The following CFTR variants were observed in gnomAD, a reference collection of about 807,000 sequenced individuals.
The protein encoded by CFTR is CF transmembrane conductance regulator, also known as cystic fibrosis transmembrane conductance regulator.
A neutral mutation model predicts 171.6 loss-of-function variants in CFTR; 181 were observed. The observed-to-expected ratio is 1.05, with a 90% confidence interval of 0.93 to 1.19. CFTR has a LOEUF of 1.19. CFTR is among the 50% of genes most tolerant of loss of function. The pLI is 0.00. For missense variants in CFTR, 1,968 were observed against 1,734.7 expected, an observed-to-expected ratio of 1.13 and a Z score of -2.39; for synonymous variants, 583 against 608.0, an observed-to-expected ratio of 0.96 and a Z score of 0.60.
intron 10 of CFTR, among the ~76,000 whole-genome samples, chr7:117,549,355 C>T (rs1799229750): frequency 1.3e-5 from 2 of 152,160 alleles, no homozygotes; most frequent in Non-Finnish European, 2.9e-5. Flanking sequence ...TGGTCATCCT[C>T]TTCTCCATAT....
intron 15 of CFTR, among the ~76,000 whole-genome samples, chr7:117,599,259 A>C (rs1392989764): frequency 6.6e-6 from 1 of 152,138 alleles, no homozygotes; most frequent in East Asian, 1.9e-4. Flanking sequence ...GAAAGATCAC[A>C]TTACTTGATT....
chr7:117,482,778 C>T (rs1798017732), intron 1 of CFTR, among the ~76,000 whole-genome samples: 1 of 152,198 alleles, frequency 6.6e-6, no homozygotes, highest in African/African-American at 2.4e-5. Context: ...TCCTCTCTGT[C>T]TCTTCTCTCA....
At chr7:117,520,795 G>A (rs1366235745) in intron 3 of CFTR, among the ~76,000 whole-genome samples, 1 of 151,850 alleles carries the variant, frequency 6.6e-6, no homozygotes, top group Non-Finnish European at 1.5e-5. Flanking sequence ...AATATTTGTT[G>A]AATGGATATT....
Position 117,666,135 on chromosome 7 carries a change from G to T in CFTR, c.4242+571G>T, listed in dbSNP as rs989034785. Among the ~76,000 whole-genome samples the T allele has an allele frequency of 3.9e-5, 6 of 152,138 alleles. No homozygotes were observed. The East Asian group carries it at 9.6e-4, about 24-fold the overall frequency. ...ATACTTTGGGAGGCTGAGGTGGGGG[G>T]ATTACTTGAGGCCAGGAATTCAAGA... On this transcript the variant is annotated intron_variant, in intron 26 of 26. Transcript: ENST00000003084.
chr7:117,600,486 G>C (rs1209362588), intron 15 of CFTR, among the ~76,000 whole-genome samples: 2 of 151,990 alleles, frequency 1.3e-5, no homozygotes, highest in Non-Finnish European at 2.9e-5. Context: ...TAGAACTGCT[G>C]TATCCTGTTT....
In CFTR at chr7:117,642,596, G is replaced by T. The variant is rs1357732974; in HGVS notation, c.3873+3G>T. On this transcript the variant is annotated splice_donor_region_variant and intron_variant, in intron 23 of 26. Coordinates refer to ENST00000003084, the MANE Select transcript of CFTR (RefSeq NM_000492.4). ...AAGCCTTTGGAGTGATACCACAGGT[G>T]AGCAAAAGGACTTAGCCAGAAAAAA... The T allele has an allele frequency of 3.1e-6, 5 of 1,613,154 alleles. No individual in the cohort carries two copies. Among genetic ancestry groups the T allele is most frequent in the South Asian group, 1.1e-5 (1 of 91,040 alleles).
chr7:117,652,835 G>T lies in CFTR; in HGVS notation c.3874-7G>T, dbSNP rs776663932. ...ATACTTTCTTCTTCTTTTCTTTTTTGCTATAGAAAGTATTTATTTTTTCTG... is the reference window on the plus strand; with the variant it reads ...ATACTTTCTTCTTCTTTTCTTTTTTTCTATAGAAAGTATTTATTTTTTCTG... On this transcript the variant is annotated splice_polypyrimidine_tract_variant and splice_region_variant and intron_variant, in intron 23 of 26. Coordinates refer to ENST00000003084, the MANE Select transcript of CFTR (RefSeq NM_000492.4). 7.5e-7 allele frequency: 1 copy of T among 1,326,836 alleles called. No individual in the cohort carries two copies. Among genetic ancestry groups the T allele is most frequent in the South Asian group, 1.2e-5 (1 of 83,180 alleles). The allele number at this position is 1,326,836 out of a possible 1,614,324, so 82.2% of individuals were successfully genotyped here.
At chr7:117,548,540 T>C in intron 9 of CFTR, 101 bp from the exon 10 acceptor site, 1 of 1,545,858 alleles carries the variant, frequency 6.5e-7, no homozygotes, top group Admixed American at 2.0e-5. Context: ...CATGTGCTTT[T>C]CAAACTAATT....
chr7:117,584,446 T>A (rs1791898687), intron 11 of CFTR, among the ~76,000 whole-genome samples: 1 of 152,156 alleles, frequency 6.6e-6, no homozygotes, highest in South Asian at 2.1e-4. Context: ...CCCCACTTTA[T>A]GTTTTTGTAT....
At chr7:117,656,307 G>A (rs1793182922) in intron 24 of CFTR, among the ~76,000 whole-genome samples, 1 of 152,122 alleles carries the variant, frequency 6.6e-6, no homozygotes, top group Non-Finnish European at 1.5e-5. Flanking sequence ...AAACAGTGAT[G>A]CTCATTCTAG....
intron 21 of CFTR, among the ~76,000 whole-genome samples, chr7:117,618,117 G>T (rs1792521042): frequency 6.6e-6 from 1 of 151,818 alleles, no homozygotes; most frequent in African/African-American, 2.4e-5. Flanking sequence ...CTCTTCCTTG[G>T]TCCCTTTTCC....
At chr7:117,610,794 T>A (rs1792374356) in intron 19 of CFTR, 125 bp downstream of exon 19, 5 of 963,404 alleles carry the variant, frequency 5.2e-6, no homozygotes, top group East Asian at 2.6e-5. Flanking sequence ...AACAATAATT[T>A]TTTTCTACAT....
chr7:117,608,826 A>G (rs1345806761), intron 18 of CFTR, among the ~76,000 whole-genome samples: 4 of 152,164 alleles, frequency 2.6e-5, no homozygotes, highest in African/African-American at 9.7e-5. Context: ...AAAATAAAGC[A>G]TACCTATAAA....
Position 117,633,358 on chromosome 7 carries a change from A to G in CFTR, c.3717+5588A>G, listed in dbSNP as rs192147255. Among the ~76,000 whole-genome samples the G allele has an allele frequency of 1.9e-3, 287 of 152,194 alleles. 1 individual carries two copies. Among genetic ancestry groups the G allele is most frequent in the African/African-American group, 6.8e-3 (283 of 41,542 alleles). On this transcript the variant is annotated intron_variant, in intron 22 of 26. Coordinates refer to ENST00000003084, the MANE Select transcript of CFTR (RefSeq NM_000492.4). ...ATGATTTTTTTTGCATGTTAGCCTT[A>G]TATCTTTCAACTTTGCTATAATCAA...
At chr7:117,649,127 T>G (rs761404883) in intron 23 of CFTR, among the ~76,000 whole-genome samples, 19 of 151,900 alleles carry the variant, frequency 1.3e-4, no homozygotes, top group Non-Finnish European at 2.1e-4. Flanking sequence ...TTATATAAAC[T>G]ATTAGACTAT....
At chr7:117,620,495 T>C (rs1383803570) in intron 21 of CFTR, among the ~76,000 whole-genome samples, 1 of 152,116 alleles carries the variant, frequency 6.6e-6, no homozygotes, top group Non-Finnish European at 1.5e-5. Context: ...CTAGAGTCCA[T>C]TGATTAAGTT....
rs565900120 is a variant in CFTR at position 117,638,446 on chromosome 7, T to C, written c.3718-3992T>C. On this transcript the variant is annotated intron_variant, in intron 22 of 26. Coordinates refer to ENST00000003084, the MANE Select transcript of CFTR (RefSeq NM_000492.4). Reference sequence around the variant, plus strand: ...GTTATATGCTTCCTTAGAATAGGAATTGATTCTTAAAATGTCGTTCTGCTC... The same window carrying C: ...GTTATATGCTTCCTTAGAATAGGAACTGATTCTTAAAATGTCGTTCTGCTC... 2.0e-5 allele frequency among the ~76,000 whole-genome samples: 3 copies of C among 152,250 alleles called. No homozygotes were observed. In the South Asian group the frequency reaches 6.2e-4, roughly 32 times the overall value.
At position 117,559,482 on chromosome 7, in the gene CFTR, A is replaced by T; in HGVS notation, c.1411A>T (p.Ile471Phe). ...TTTCCAGACTTCACTTCTAATGGTGATTATGGGAGAACTGGAGCCTTCAGA... is the reference window on the plus strand; with the variant it reads ...TTTCCAGACTTCACTTCTAATGGTGTTTATGGGAGAACTGGAGCCTTCAGA... ...GAGKTSLLMV[I>F]MGELEPSEGK... Residue 471 changes from isoleucine to phenylalanine, a missense_variant, in exon 11 of 27, where the codon ATT (isoleucine) becomes TTT (phenylalanine). Transcript: ENST00000003084. 6.2e-7 allele frequency: 1 copy of T among 1,607,006 alleles called. No individual in the cohort carries two copies.
At chr7:117,502,267 G>A (rs1798344435) in intron 1 of CFTR, among the ~76,000 whole-genome samples, 1 of 152,210 alleles carries the variant, frequency 6.6e-6, no homozygotes, top group South Asian at 2.1e-4. Context: ...AATGTGGAAA[G>A]ACCTAGGCTT....
Sources: gnomAD v4.1 joint callset for allele counts (sites outside exome capture counted in the v4.1 genomes callset) on GRCh38, gnomAD v4.1.1 for gene constraint, MANE v1.5 for transcripts, NCBI Gene and HGNC (gene_info 2026-07-23, HGNC 2026-07-21) for gene names.